Variants in DNM3 observed in about 807,000 individuals in gnomAD.
DNM3 encodes dynamin-3.
DNM3 carries 47 observed loss-of-function variants against 101.6 expected under a neutral mutation model. That is an observed-to-expected ratio of 0.46 (90% CI 0.37 to 0.59). DNM3 has a LOEUF of 0.59. DNM3 is among the 20% of genes least tolerant of loss of function. The pLI, the probability that DNM3 is intolerant of heterozygous loss-of-function variation, is 0.00. For missense variants in DNM3, 849 were observed against 1,085.7 expected (o/e 0.78, Z 3.06); for synonymous variants, 385 against 387.9 (o/e 0.99, Z 0.09).
intron 11 of DNM3, among the ~76,000 whole-genome samples, chr1:172,078,538 C>T (rs993839790): frequency 1.2e-4 from 18 of 151,864 alleles, no homozygotes; most frequent in Admixed American, 7.2e-4. Context: ...ATGGGTCTCC[C>T]GAATTACAGC....
chr1:172,387,298 GCCA>G lies in DNM3; in HGVS notation c.2227_2229del (p.Thr743del). 1 of 1,613,746 alleles carries G rather than the reference GCCA, an allele frequency of 6.2e-7. No individual in the cohort carries two copies. Among genetic ancestry groups the G allele is most frequent in the South Asian group, 1.1e-5 (1 of 91,068 alleles). On this transcript the variant is annotated inframe_deletion, in exon 19 of 21. Coordinates refer to ENST00000627582, the MANE Select transcript of DNM3 (RefSeq NM_015569.5). ...TGGGATAATTGGGGACATCAGCACA[GCCA>G]CCGTGTCCACTCCGGCACCCCCTCC...
chr1:172,304,873 A>G (rs1020323653), intron 15 of DNM3, among the ~76,000 whole-genome samples: 15 of 152,354 alleles, frequency 9.8e-5, no homozygotes, highest in African/African-American at 2.9e-4. Flanking sequence ...TCTGGGACGC[A>G]TTTAAAGCAG....
chr1:172,037,171 A>T (rs1572197720), intron 6 of DNM3, among the ~76,000 whole-genome samples: 1 of 152,138 alleles, frequency 6.6e-6, no homozygotes, highest in African/African-American at 2.4e-5. Flanking sequence ...GAGAAATAGG[A>T]ACACTTTTAC....
At chr1:172,030,947 G>A (rs1014692130) in intron 4 of DNM3, among the ~76,000 whole-genome samples, 4 of 152,308 alleles carry the variant, frequency 2.6e-5, no homozygotes, top group East Asian at 1.9e-4. Context: ...CTTTGACACT[G>A]TTGGTGGGAG....
chr1:171,914,626 A>G (rs1174073049), intron 1 of DNM3, among the ~76,000 whole-genome samples: 3 of 152,130 alleles, frequency 2.0e-5, no homozygotes, highest in Admixed American at 6.5e-5. Flanking sequence ...TGGGTCTTAA[A>G]TGTTCATAAT....
At chr1:172,215,323 C>T (rs769085944) in intron 14 of DNM3, among the ~76,000 whole-genome samples, 2 of 152,080 alleles carry the variant, frequency 1.3e-5, no homozygotes, top group Non-Finnish European at 2.9e-5. Context: ...GGAGTGCAAA[C>T]TTAAATTCTT....
intron 2 of DNM3, among the ~76,000 whole-genome samples, chr1:171,948,300 C>T (rs2042292032): frequency 6.6e-6 from 1 of 152,118 alleles, no homozygotes; most frequent in Non-Finnish European, 1.5e-5. Context: ...TAAGCAGGCT[C>T]ACTAAATTTT....
intron 1 of DNM3, among the ~76,000 whole-genome samples, chr1:171,909,012 A>C (rs2039065692): frequency 6.6e-6 from 1 of 151,876 alleles, no homozygotes; most frequent in African/African-American, 2.4e-5. Flanking sequence ...AATATTTTTG[A>C]ACACCTGCTA....
chr1:172,037,779 A>G (rs2049076585), intron 6 of DNM3, among the ~76,000 whole-genome samples: 2 of 152,324 alleles, frequency 1.3e-5, no homozygotes, highest in Non-Finnish European at 2.9e-5. Flanking sequence ...ACTGGGATCT[A>G]GAGATGGAAG....
At chr1:172,048,470 A>G in intron 9 of DNM3, 142 bp from the exon 10 acceptor site, 1 of 887,116 alleles carries the variant, frequency 1.1e-6, no homozygotes, top group Non-Finnish European at 1.6e-6. Flanking sequence ...CCACATAAAC[A>G]TTTTGGGCAC....
rs371181395 is a variant in DNM3 at position 172,356,705 on chromosome 1, A to T, written c.1894-22313A>T. ...ACCCCCACAACACTGGAAGTACAGGACCTTTGTTTCTCTCCACCCACATGC... is the reference window on the plus strand; with the variant it reads ...ACCCCCACAACACTGGAAGTACAGGTCCTTTGTTTCTCTCCACCCACATGC... On this transcript the variant is annotated intron_variant, in intron 17 of 20. Transcript: ENST00000627582. Among the ~76,000 whole-genome samples the T allele has an allele frequency of 2.0e-5, 3 of 152,078 alleles. No homozygotes were observed. The South Asian group carries it at 6.2e-4, about 32-fold the overall frequency.
rs1413574588 is a variant in DNM3 at position 172,411,158 on chromosome 1, G to A, written c.*3317G>A. The A allele has an allele frequency of 1.0e-6, 1 of 984,942 alleles. No homozygotes were observed. Among genetic ancestry groups the A allele is most frequent in the Admixed American group, 6.2e-5 (1 of 16,242 alleles). 61.0% of individuals were successfully genotyped at this position (984,942 alleles called of 1,614,324 possible). A position where few individuals can be genotyped will look rare whatever the true frequency, so the allele number is the denominator to read the frequency against. On this transcript the variant is annotated 3_prime_UTR_variant, in exon 21 of 21. Transcript: ENST00000627582. ...CATGTACTTAGTATGTGTGGTATCAGGATATTTTTTAAACTGTGATAATAC... is the reference window on the plus strand; with the variant it reads ...CATGTACTTAGTATGTGTGGTATCAAGATATTTTTTAAACTGTGATAATAC...
intron 2 of DNM3, among the ~76,000 whole-genome samples, chr1:171,960,728 G>A (rs2043162926): frequency 6.6e-6 from 1 of 152,136 alleles, no homozygotes; most frequent in African/African-American, 2.4e-5. Context: ...CACAATCCTG[G>A]CAGTCCCAAG....
intron 2 of DNM3, among the ~76,000 whole-genome samples, chr1:171,968,458 C>CA (rs1435159604): frequency 2.0e-5 from 3 of 151,958 alleles, no homozygotes; most frequent in Admixed American, 6.6e-5. Context: ...AACGGAAAAC[C>CA]AAAAAAGGCT....
At chr1:171,880,138 C>A (rs958321303) in intron 1 of DNM3, among the ~76,000 whole-genome samples, 1 of 152,182 alleles carries the variant, frequency 6.6e-6, no homozygotes, top group African/African-American at 2.4e-5. Flanking sequence ...GCTGTATCAG[C>A]CACAGATGCT....
intron 4 of DNM3, among the ~76,000 whole-genome samples, chr1:172,001,943 A>C (rs1171929246): frequency 6.6e-6 from 1 of 152,070 alleles, no homozygotes; most frequent in East Asian, 1.9e-4. Context: ...GTCTGGTCAT[A>C]GAGATGGTGG....
At chr1:171,908,515 C>T (rs2039015522) in intron 1 of DNM3, among the ~76,000 whole-genome samples, 1 of 151,840 alleles carries the variant, frequency 6.6e-6, no homozygotes, top group African/African-American at 2.4e-5. Context: ...TCTTTTTTCC[C>T]CCCTAATTTC....
chr1:172,131,901 C>A, intron 14 of DNM3: 1 of 215,702 alleles, frequency 4.6e-6, no homozygotes, highest in Non-Finnish European at 9.7e-6. Flanking sequence ...ACTTACTACT[C>A]ATTTAAATTT....
At chr1:172,162,801 A>G (rs1483702147) in intron 14 of DNM3, among the ~76,000 whole-genome samples, 2 of 152,094 alleles carry the variant, frequency 1.3e-5, no homozygotes, top group Non-Finnish European at 2.9e-5. Flanking sequence ...TGAGATCATT[A>G]TGTGAGAGTA....
Sources: gnomAD v4.1 joint callset for allele counts (sites outside exome capture counted in the v4.1 genomes callset) on GRCh38, gnomAD v4.1.1 for gene constraint, MANE v1.5 for transcripts, NCBI Gene and HGNC (gene_info 2026-07-23, HGNC 2026-07-21) for gene names.